WLS: variants seen among roughly 807,000 people sequenced by gnomAD.
WLS encodes the protein Wnt ligand secretion mediator.
Under a neutral mutation model 62.8 loss-of-function variants are expected in WLS, and 23 were observed. The ratio of observed to expected loss-of-function variants is 0.37; its 90% CI spans 0.26 to 0.52. The LOEUF is 0.52. Among genes scored for constraint, WLS ranks in the 20% least tolerant of loss-of-function variants. The probability of loss-of-function intolerance (pLI) is 0.92; values close to 1 mark genes in which losing one functional copy is unlikely to be tolerated. For missense variants in WLS, 615 were observed against 697.3 expected (o/e 0.88, Z 1.33); for synonymous variants, 246 against 244.1 (o/e 1.01, Z -0.07).
chr1:68,110,015 A>AT (rs1646202439), intron 11 of WLS, among the ~76,000 whole-genome samples: 1 of 44,872 alleles, frequency 2.2e-5, no homozygotes, highest in Non-Finnish European at 5.4e-5. Flanking sequence ...AGTAAAAAAA[A>AT]AAAAAAAAAA....
At chr1:68,156,917 G>C (rs1168470046) in intron 3 of WLS, among the ~76,000 whole-genome samples, 1 of 152,194 alleles carries the variant, frequency 6.6e-6, no homozygotes, top group African/African-American at 2.4e-5. Context: ...AACAGCAAGA[G>C]GGTATTTTCT....
rs746771095 is a variant in WLS, at chr1:68,126,373, GGAA to G, written c.1517-41_1517-39del. 36 of 1,612,442 alleles carry G rather than the reference GGAA, an allele frequency of 2.2e-5. No individual in the cohort carries two copies. The South Asian group carries it at 3.9e-4, about 17-fold the overall frequency. Reference sequence around the variant, plus strand: ...TTTCGGTGTTAGATGCATTCAAGGAGGAAGGAGAAGCAAGCTGGGGTTCATCTC... The same window carrying G: ...TTTCGGTGTTAGATGCATTCAAGGAGGGAGAAGCAAGCTGGGGTTCATCTC... On this transcript the variant is annotated intron_variant, in intron 11 of 11. Transcript: ENST00000262348.
At chr1:68,170,168 T>TTTTCTTTTTC (rs1647128082) in intron 2 of WLS, among the ~76,000 whole-genome samples, 2 of 67,860 alleles carry the variant, frequency 2.9e-5, no homozygotes, top group Admixed American at 3.0e-4. Context: ...TTCTTTTTTT[T>TTTTCTTTTTC]TTTTTTTTTT....
chr1:68,109,172 C>T (rs1004383493), intron 11 of WLS, among the ~76,000 whole-genome samples: 2 of 144,766 alleles, frequency 1.4e-5, no homozygotes, highest in Middle Eastern at 7.1e-3. Context: ...GATGTTAAAA[C>T]TGCAATCAAA....
chr1:68,128,273 T>C (rs191717162), intron 11 of WLS, among the ~76,000 whole-genome samples: 1 of 152,218 alleles, frequency 6.6e-6, no homozygotes, highest in Non-Finnish European at 1.5e-5. Flanking sequence ...AGTGAGCAAC[T>C]ACTCCCAGGC....
intron 1 of WLS, among the ~76,000 whole-genome samples, chr1:68,196,782 C>T (rs915791607): frequency 4.7e-4 from 71 of 152,054 alleles, no homozygotes; most frequent in African/African-American, 1.6e-3. Context: ...TTCTTTAAAA[C>T]TCAAAACTGT....
intron 11 of WLS, among the ~76,000 whole-genome samples, chr1:68,108,475 A>G (rs190330127): frequency 9.9e-5 from 15 of 152,220 alleles, no homozygotes; most frequent in Admixed American, 4.6e-4. Flanking sequence ...AAGGCAGTGT[A>G]CCCACTCCAG....
In WLS at chr1:68,145,872, A is replaced by G. The variant is rs766925224; in HGVS notation, c.1275T>C (p.Tyr425=). ...PAMSKVRRLH[Y]EGLIFRFKFL... ...ACGAGCCAAGAAATCTGCCCACCTC[A>G]TAGTGTAGCCGCCGGACTTTGCTCA... Residue 425 remains tyrosine (Y), a synonymous_variant, in exon 9 of 12, where the codon TAT becomes TAC. Coordinates refer to ENST00000262348, the MANE Select transcript of WLS (RefSeq NM_024911.7). 1.8e-5 allele frequency: 29 copies of G among 1,614,146 alleles called. No individual in the cohort carries two copies. The highest frequency in any genetic ancestry group is 2.4e-5 in the Non-Finnish European group (28 of 1,180,024).
intron 2 of WLS, chr1:68,161,636 G>A: frequency 1.3e-6 from 1 of 786,586 alleles, no homozygotes; most frequent in Non-Finnish European, 2.1e-6. Context: ...CAGCATCAAT[G>A]ATGCATAAGT....
intron 2 of WLS, among the ~76,000 whole-genome samples, chr1:68,185,589 C>G (rs1647888185): frequency 6.6e-6 from 1 of 152,162 alleles, no homozygotes; most frequent in Non-Finnish European, 1.5e-5. Flanking sequence ...TGCAAGGGAT[C>G]TAGGCTGCAT....
intron 1 of WLS, among the ~76,000 whole-genome samples, chr1:68,207,001 G>A (rs371044729): frequency 6.6e-6 from 1 of 151,948 alleles, no homozygotes; most frequent in South Asian, 2.1e-4. Context: ...TCCTATTCTC[G>A]TTCTGTTACT....
intron 11 of WLS, among the ~76,000 whole-genome samples, chr1:68,130,318 A>G (rs898665400): frequency 6.6e-6 from 1 of 152,166 alleles, no homozygotes; most frequent in African/African-American, 2.4e-5. Flanking sequence ...TTCCATCCTC[A>G]CCACTACCAA....
intron 2 of WLS, among the ~76,000 whole-genome samples, chr1:68,168,954 C>A (rs1440257853): frequency 6.6e-6 from 1 of 152,218 alleles, no homozygotes; most frequent in African/African-American, 2.4e-5. Context: ...AAATTTGGCC[C>A]TGGCGGTTTT....
At chr1:68,170,753 G>A (rs1211700354) in intron 2 of WLS, among the ~76,000 whole-genome samples, 1 of 151,616 alleles carries the variant, frequency 6.6e-6, no homozygotes, top group Non-Finnish European at 1.5e-5. Flanking sequence ...CCAGCAATAT[G>A]ACACTTATGA....
intron 11 of WLS, chr1:68,100,652 TGA>T (rs937558199): frequency 2.6e-5 from 4 of 152,160 alleles, no homozygotes; most frequent in African/African-American, 7.2e-5. Flanking sequence ...CAAAGTTACT[TGA>T]GAGTCTCCAA....
chr1:68,137,706 T>C, intron 11 of WLS, 74 bp downstream of exon 11: 3 of 1,513,852 alleles, frequency 2.0e-6, no homozygotes, highest in Non-Finnish European at 8.9e-7. Context: ...CTCAGAGCTT[T>C]AGCCATTTAA....
intron 11 of WLS, among the ~76,000 whole-genome samples, chr1:68,112,494 A>G (rs932295287): frequency 1.3e-5 from 2 of 152,016 alleles, no homozygotes; most frequent in Non-Finnish European, 2.9e-5. Flanking sequence ...TTGCTTTTCT[A>G]CTCACTGCAC....
intron 11 of WLS, among the ~76,000 whole-genome samples, chr1:68,129,515 G>GCTACTGTGGCATAATTAATTTCT (rs1646487524): frequency 1.3e-5 from 2 of 152,160 alleles, no homozygotes; most frequent in African/African-American, 4.8e-5. Context: ...ACGATGTGAA[G>GCTACTGTGGCATAATTAATTTCT]CTACTGTGGC....
At chr1:68,123,578 C>A (rs140125834), downstream of WLS, among the ~76,000 whole-genome samples, 1 of 152,214 alleles carries the variant, frequency 6.6e-6, no homozygotes, top group East Asian at 1.9e-4. Context: ...CTAGCCCAGG[C>A]AAACCCAAAC....
Sources: gnomAD v4.1 joint callset for allele counts (sites outside exome capture counted in the v4.1 genomes callset) on GRCh38, gnomAD v4.1.1 for gene constraint, MANE v1.5 for transcripts, NCBI Gene and HGNC (gene_info 2026-07-23, HGNC 2026-07-21) for gene names.